Variants in FHIT observed in about 807,000 individuals in gnomAD.
FHIT encodes the protein bis(5'-adenosyl)-triphosphatase.
A neutral mutation model predicts 17.9 loss-of-function variants in FHIT; 19 were observed. The ratio of observed to expected loss-of-function variants is 1.06; its 90% CI spans 0.74 to 1.56. The LOEUF is 1.56. Ranked by LOEUF, FHIT falls within the 40% of genes most tolerant of loss-of-function variation. The pLI, the probability that FHIT is intolerant of heterozygous loss-of-function variation, is 0.00. For synonymous variants in FHIT, 81 were observed against 69.7 expected (o/e 1.16, Z -0.81); for missense variants, 248 against 189.2 (o/e 1.31, Z -1.82).
chr3:60,112,876 G>A (rs201043990), intron 5 of FHIT, among the ~76,000 whole-genome samples: 1 of 152,158 alleles, frequency 6.6e-6, no homozygotes, highest in East Asian at 1.9e-4. Flanking sequence ...TGGCATAGAA[G>A]GCCTTCCTTT....
chr3:60,132,319 C>T (rs920215915), intron 5 of FHIT, among the ~76,000 whole-genome samples: 1 of 152,182 alleles, frequency 6.6e-6, no homozygotes, highest in South Asian at 2.1e-4. Flanking sequence ...ATAGATACAT[C>T]CCATGCATTT....
chr3:59,784,007 T>G (rs947494384), intron 8 of FHIT, among the ~76,000 whole-genome samples: 19 of 151,960 alleles, frequency 1.3e-4, no homozygotes, highest in African/African-American at 4.1e-4. Context: ...GGGGACCGAG[T>G]TGAAAGATGA....
In FHIT at chr3:61,239,760, GCCAT is replaced by G. The variant is rs1311427733; in HGVS notation, c.-213+11537_-213+11540del. ...ATAAAACTGCAAAGAAAAACAACTGGCCATATATATATATATATATATATACACA... is the reference window on the plus strand; with the variant it reads ...ATAAAACTGCAAAGAAAAACAACTGGATATATATATATATATATATACACA... On this transcript the variant is annotated intron_variant, in intron 1 of 9. Coordinates refer to ENST00000492590, the MANE Select transcript of FHIT (RefSeq NM_002012.4). Among the ~76,000 whole-genome samples, 52 of 32,304 alleles carry G rather than the reference GCCAT, an allele frequency of 1.6e-3. 4 individuals carry two copies. Among genetic ancestry groups the G allele is most frequent in the Admixed American group, 9.4e-3 (43 of 4,578 alleles). The allele number at this position is 32,304 out of a possible 152,430, so 21.2% of individuals were successfully genotyped here.
intron 4 of FHIT, among the ~76,000 whole-genome samples, chr3:60,731,871 C>G (rs1553711342): frequency 2.0e-5 from 3 of 152,206 alleles, no homozygotes; most frequent in African/African-American, 7.2e-5. Context: ...TGGGGTGTCC[C>G]TTTACTGCCC....
chr3:61,227,535 A>G (rs1278581223), intron 1 of FHIT, among the ~76,000 whole-genome samples: 1 of 152,206 alleles, frequency 6.6e-6, no homozygotes, highest in Non-Finnish European at 1.5e-5. Context: ...TGTTCAGGGT[A>G]TAAGTACATG....
intron 5 of FHIT, among the ~76,000 whole-genome samples, chr3:60,150,078 C>G (rs1332753194): frequency 6.9e-6 from 1 of 145,264 alleles, no homozygotes; most frequent in Non-Finnish European, 1.5e-5. Flanking sequence ...TCACTGCAAC[C>G]TCTGCCTCTG....
At chr3:60,067,965 G>T (rs1460404050) in intron 5 of FHIT, among the ~76,000 whole-genome samples, 2 of 152,146 alleles carry the variant, frequency 1.3e-5, no homozygotes, top group African/African-American at 2.4e-5. Context: ...GCCCAGCATG[G>T]TGGCTCACAC....
chr3:60,352,198 G>A (rs1699441596), intron 5 of FHIT, among the ~76,000 whole-genome samples: 1 of 152,170 alleles, frequency 6.6e-6, no homozygotes, highest in African/African-American at 2.4e-5. Flanking sequence ...AGAGCCAAGA[G>A]AAGCAACTTA....
In FHIT at chr3:60,252,719, G is replaced by A. The variant is rs568780585; in HGVS notation, c.104-238567C>T. The stretch of plus-strand genomic sequence containing the variant: ...AATAAAAAAAGACTGGGCTGGGCGC[G>A]GTGGCTCATGCCTGTAATCCCAGCA... On this transcript the variant is annotated intron_variant, in intron 5 of 9. Coordinates refer to ENST00000492590, the MANE Select transcript of FHIT (RefSeq NM_002012.4). Among the ~76,000 whole-genome samples, 164 of 152,098 alleles carry A rather than the reference G, an allele frequency of 1.1e-3. 2 individuals carry two copies. The highest frequency in any genetic ancestry group is 6.2e-3 in the South Asian group (30 of 4,824).
chr3:60,710,899 C>T (rs2107934466), intron 4 of FHIT, among the ~76,000 whole-genome samples: 3 of 152,340 alleles, frequency 2.0e-5, no homozygotes, highest in East Asian at 3.9e-4. Context: ...ATGTCCCTGA[C>T]TGACAGCTTT....
chr3:59,759,668 C>T (rs895237848), intron 8 of FHIT, among the ~76,000 whole-genome samples: 8 of 152,136 alleles, frequency 5.3e-5, no homozygotes, highest in South Asian at 2.1e-4. Flanking sequence ...TCATATTTCA[C>T]GATTCTGGAT....
intron 5 of FHIT, among the ~76,000 whole-genome samples, chr3:60,336,445 A>G (rs1279409061): frequency 6.6e-6 from 1 of 152,222 alleles, no homozygotes; most frequent in Non-Finnish European, 1.5e-5. Flanking sequence ...GCTTTATTCT[A>G]GAACACTTGA....
chr3:60,432,980 AGAT>A (rs2029872021), intron 5 of FHIT, among the ~76,000 whole-genome samples: 1 of 151,650 alleles, frequency 6.6e-6, no homozygotes, highest in Admixed American at 6.6e-5. Flanking sequence ...TAAGTGCACT[AGAT>A]AATATTGTTA....
intron 6 of FHIT, among the ~76,000 whole-genome samples, chr3:60,013,736 T>A (rs1055967362): frequency 6.6e-6 from 1 of 152,150 alleles, no homozygotes; most frequent in Non-Finnish European, 1.5e-5. Context: ...AGTAAGCAAT[T>A]TGGAATGTCT....
intron 4 of FHIT, among the ~76,000 whole-genome samples, chr3:60,543,907 C>CTTTTTTTTTTTGTTTTTTTT (rs2036270905): frequency 1.9e-5 from 1 of 52,076 alleles, no homozygotes; most frequent in Admixed American, 3.3e-4. Context: ...CCACGCCCGG[C>CTTTTTTTTTTTGTTTTTTTT]TTTTTTTTTT....
intron 2 of FHIT, among the ~76,000 whole-genome samples, chr3:61,064,348 T>A (rs969900213): frequency 1.3e-5 from 2 of 152,072 alleles, no homozygotes; most frequent in Non-Finnish European, 2.9e-5. Context: ...TTTTGTGGCA[T>A]GAGGTAACAA....
chr3:61,224,234 G>A (rs557852794), intron 1 of FHIT, among the ~76,000 whole-genome samples: 1 of 152,120 alleles, frequency 6.6e-6, no homozygotes, highest in Non-Finnish European at 1.5e-5. Context: ...TAGTTTTTAT[G>A]TCAATTCAAA....
At chr3:61,144,173 C>T (rs1015402948) in intron 2 of FHIT, among the ~76,000 whole-genome samples, 1 of 152,096 alleles carries the variant, frequency 6.6e-6, no homozygotes, top group African/African-American at 2.4e-5. Context: ...AAAAAGAAAG[C>T]CCATGTGCAT....
chr3:59,750,154 G>C (rs1487822171), intron 9 of FHIT: 1 of 226,502 alleles, frequency 4.4e-6, no homozygotes, highest in East Asian at 6.3e-5. Context: ...CAAGACAGAA[G>C]CAAAAACTGA....
Sources: gnomAD v4.1 joint callset for allele counts (sites outside exome capture counted in the v4.1 genomes callset) on GRCh38, gnomAD v4.1.1 for gene constraint, MANE v1.5 for transcripts, NCBI Gene and HGNC (gene_info 2026-07-23, HGNC 2026-07-21) for gene names.